The following HERC1 variants were observed in gnomAD, a reference collection of about 807,000 sequenced individuals.
HERC1 encodes probable E3 ubiquitin-protein ligase HERC1.
HERC1 carries 160 observed loss-of-function variants against 554.3 expected under a neutral mutation model. That is an observed-to-expected ratio of 0.29 (90% CI 0.25 to 0.33). The LOEUF is 0.33. Ranked by LOEUF, HERC1 falls within the 10% of genes least tolerant of loss-of-function variation. HERC1 has a pLI of 1.00. For synonymous variants in HERC1, 2,175 were observed against 2,131.7 expected, an observed-to-expected ratio of 1.02 and a Z score of -0.56; for missense variants, 4,919 against 5,918.5, an observed-to-expected ratio of 0.83 and a Z score of 5.54.
At chr15:63,790,341 G>A (rs779047861) in intron 1 of HERC1, among the ~76,000 whole-genome samples, 9 of 152,154 alleles carry the variant, frequency 5.9e-5, no homozygotes. Context: ...CACTTTAGGA[G>A]GCCGAGGCGG....
In HERC1 at chr15:63,678,152, G is replaced by C. The variant is rs1369582805; in HGVS notation, c.6763C>G (p.Leu2255Val). The part of the protein sequence containing the change: ...KICIKESGQK[L>V]KKSRSVQSRE... ...CTCTGAACCGAGCGGCTTTTCTTTA[G>C]CTTCTGACCTGACTCTTTAATACAT... The change falls in exon 37 of 78, where the codon CTA becomes GTA. Residue 2255 changes from leucine (L) to valine (V), a missense_variant. Physicochemically the swap from Leu to Val is conservative, Grantham distance 32. Coordinates refer to ENST00000443617, the MANE Select transcript of HERC1 (RefSeq NM_003922.4). 6.2e-7 allele frequency: 1 copy of C among 1,613,256 alleles called. No individual in the cohort carries two copies. Among genetic ancestry groups the C allele is most frequent in the Non-Finnish European group, 8.5e-7 (1 of 1,179,640 alleles).
chr15:63,659,720 CA>C lies in HERC1; in HGVS notation c.9424+15del, dbSNP rs1182500373. On this transcript the variant is annotated intron_variant, in intron 47 of 77. Transcript: ENST00000443617. Reference sequence around the variant, plus strand: ...TAGATGCTATAAAATCAATGCAAATCAGGATTTCAGTTTACCTATTTGCATC... The same window carrying C: ...TAGATGCTATAAAATCAATGCAAATCGGATTTCAGTTTACCTATTTGCATC... 15 of 1,583,102 alleles carry C rather than the reference CA, an allele frequency of 9.5e-6. No homozygotes were observed. The highest frequency in any genetic ancestry group is 1.0e-5 in the Non-Finnish European group (12 of 1,152,542).
In HERC1 at chr15:63,634,802, A is replaced by T. The variant is rs546029760; in HGVS notation, c.12501T>A (p.Gly4167=). The T allele has an allele frequency of 7.4e-5, 119 of 1,613,264 alleles. No individual in the cohort carries two copies. Among genetic ancestry groups the T allele is most frequent in the Non-Finnish European group, 8.6e-5 (101 of 1,179,528 alleles). ...TFGNGDYGRL[G]LGNTSNKKLP... Reference sequence around the variant, plus strand: ...GTTTTTTGTTAGAGGTATTTCCAAGACCCAGACGACCATAGTCACCATTCC... The same window carrying T: ...GTTTTTTGTTAGAGGTATTTCCAAGTCCCAGACGACCATAGTCACCATTCC... Residue 4167 remains glycine, a synonymous_variant, in exon 66 of 78, where the codon GGT becomes GGA. Coordinates refer to ENST00000443617, the MANE Select transcript of HERC1 (RefSeq NM_003922.4).
At chr15:63,810,668 G>C (rs2077276553) in intron 1 of HERC1, among the ~76,000 whole-genome samples, 1 of 151,932 alleles carries the variant, frequency 6.6e-6, no homozygotes, top group African/African-American at 2.4e-5. Flanking sequence ...AGTTTTCTAT[G>C]GATGCTAAAA....
intron 1 of HERC1, among the ~76,000 whole-genome samples, chr15:63,805,172 C>A (rs1289944772): frequency 6.6e-6 from 1 of 152,102 alleles, no homozygotes; most frequent in East Asian, 1.9e-4. Context: ...ACTGGAAACT[C>A]GACTGTCCAT....
intron 8 of HERC1, among the ~76,000 whole-genome samples, chr15:63,751,519 C>T (rs763612079): frequency 6.6e-5 from 10 of 152,100 alleles, no homozygotes; most frequent in Non-Finnish European, 1.5e-4. Flanking sequence ...TTGCAGCGTT[C>T]CTTCGGTTGA....
At chr15:63,810,599 A>C (rs778538717) in intron 1 of HERC1, among the ~76,000 whole-genome samples, 1 of 152,188 alleles carries the variant, frequency 6.6e-6, no homozygotes, top group African/African-American at 2.4e-5. Flanking sequence ...ATACTATGTA[A>C]GTTTCTTAAC....
At position 63,723,292 on chromosome 15, in the gene HERC1, T is replaced by A; in HGVS notation, c.3632A>T (p.Asp1211Val). The A allele has an allele frequency of 6.3e-7, 1 of 1,596,990 alleles. No homozygotes were observed. The highest frequency in any genetic ancestry group is 8.5e-7 in the Non-Finnish European group (1 of 1,170,692). The change falls in exon 19 of 78, where the codon GAT becomes GTT. Residue 1211 changes from aspartate to valine, a missense_variant. Coordinates refer to ENST00000443617, the MANE Select transcript of HERC1 (RefSeq NM_003922.4). Reference protein sequence around the residue: ...LSGNEEQKPFDYKLRPEIAVY... With the variant: ...LSGNEEQKPFVYKLRPEIAVY... ...AGCAATTTCAGGCCGCAATTTATAA[T>A]CAAAAGGCTTCTGTTCTTCATTTCC...
At chr15:63,738,053 C>T (rs1414799670) in intron 12 of HERC1, among the ~76,000 whole-genome samples, 1 of 152,028 alleles carries the variant, frequency 6.6e-6, no homozygotes, top group East Asian at 1.9e-4. Context: ...CAGCAGAAAC[C>T]ACCTTAACCA....
At chr15:63,741,330 C>CT (rs368294960) in intron 12 of HERC1, among the ~76,000 whole-genome samples, 253 of 138,216 alleles carry the variant, frequency 1.8e-3, no homozygotes, top group East Asian at 3.3e-3. Context: ...CCGGGCCCAT[C>CT]TTTTTTTTTT....
intron 1 of HERC1, among the ~76,000 whole-genome samples, chr15:63,792,408 A>T (rs2144269514): frequency 6.6e-6 from 1 of 152,360 alleles, no homozygotes; most frequent in East Asian, 1.9e-4. Flanking sequence ...GAATATAAAT[A>T]ACTTCTAGTG....
In HERC1 at chr15:63,666,479, C is replaced by G. The variant is rs369230581; in HGVS notation, c.8207-7G>C. ...CTGCTTGGGTCTGACAAGGCTGAGACAAAAGGAAGAGAAATAAGAACCTAA... is the reference window on the plus strand; with the variant it reads ...CTGCTTGGGTCTGACAAGGCTGAGAGAAAAGGAAGAGAAATAAGAACCTAA... On this transcript the variant is annotated splice_polypyrimidine_tract_variant and splice_region_variant and intron_variant, in intron 40 of 77. Transcript: ENST00000443617. 18 of 1,555,584 alleles carry G rather than the reference C, an allele frequency of 1.2e-5. No individual in the cohort carries two copies. In the African/African-American group the frequency reaches 2.2e-4, roughly 19 times the overall value.
intron 24 of HERC1, among the ~76,000 whole-genome samples, chr15:63,711,862 G>A (rs1320428955): frequency 6.6e-6 from 1 of 152,088 alleles, no homozygotes; most frequent in African/African-American, 2.4e-5. Context: ...TAAAGCCCAG[G>A]GAGGTCATAG....
Position 63,833,922 on chromosome 15 carries a change from C to G in HERC1, c.-122G>C, listed in dbSNP as rs2078263948. ...GTCGCGTCCTTTATTTTTGCTGCAG[C>G]AGCAGCGACTTGTCAAAGGGAAAGA... On this transcript the variant is annotated 5_prime_UTR_variant, in exon 1 of 78. Transcript: ENST00000443617. The G allele has an allele frequency of 6.5e-6, 1 of 152,718 alleles. No homozygotes were observed. The highest frequency in any genetic ancestry group is 1.5e-5 in the Non-Finnish European group (1 of 68,158). 9.5% of individuals were successfully genotyped at this position (152,718 alleles called of 1,614,324 possible).
At chr15:63,658,278 G>A (rs2152920989) in intron 48 of HERC1, among the ~76,000 whole-genome samples, 1 of 152,282 alleles carries the variant, frequency 6.6e-6, no homozygotes, top group African/African-American at 2.4e-5. Flanking sequence ...GGGATCAACA[G>A]CCTTAGTTTC....
chr15:63,833,789 A>C (rs1246279982), intron 1 of HERC1, 38 bp downstream of exon 1: 3 of 151,782 alleles, frequency 2.0e-5, no homozygotes, highest in Non-Finnish European at 2.9e-5. Context: ...ACACACACAC[A>C]CAGGACCAGG....
intron 52 of HERC1, 138 bp from the exon 53 acceptor site, chr15:63,651,518 A>G: frequency 1.3e-6 from 1 of 748,788 alleles, no homozygotes. Flanking sequence ...GGCTAGCAGT[A>G]TTTAACAGTT....
chr15:63,724,275 C>T (rs567931582), intron 18 of HERC1, among the ~76,000 whole-genome samples: 4 of 152,154 alleles, frequency 2.6e-5, no homozygotes, highest in Non-Finnish European at 5.9e-5. Context: ...GTGGAATTAT[C>T]TTTATCATGT....
intron 2 of HERC1, among the ~76,000 whole-genome samples, chr15:63,766,678 T>G (rs1233672997): frequency 6.6e-6 from 1 of 152,228 alleles, no homozygotes; most frequent in African/African-American, 2.4e-5. Context: ...GGGGTTTTTT[T>G]GTTTTGTTTT....
Sources: gnomAD v4.1 joint callset for allele counts (sites outside exome capture counted in the v4.1 genomes callset) on GRCh38, gnomAD v4.1.1 for gene constraint, MANE v1.5 for transcripts, NCBI Gene and HGNC (gene_info 2026-07-23, HGNC 2026-07-21) for gene names.